SHANK2: variants seen among roughly 807,000 people sequenced by gnomAD.
SHANK2 encodes the protein SH3 and multiple ankyrin repeat domains 2.
SHANK2 carries 43 observed loss-of-function variants against 133.7 expected under a neutral mutation model. The observed-to-expected ratio is 0.32, with a 90% CI of 0.25 to 0.41. The LOEUF (loss-of-function observed/expected upper bound fraction) is 0.41. Among genes scored for constraint, SHANK2 ranks in the 10% least tolerant of loss-of-function variants. The pLI is 1.00. For missense variants in SHANK2, 1,994 were observed against 2,235.8 expected, an observed-to-expected ratio of 0.89 and a Z score of 2.18; for synonymous variants, 1,017 against 952.8, an observed-to-expected ratio of 1.07 and a Z score of -1.24.
chr11:70,637,832 C>T (rs2061125762), intron 17 of SHANK2, among the ~76,000 whole-genome samples: 2 of 152,258 alleles, frequency 1.3e-5, no homozygotes, highest in Admixed American at 1.3e-4. Flanking sequence ...GGTATCCCAG[C>T]CAGCCTCAGG....
At chr11:70,901,286 T>A (rs1189396241) in intron 10 of SHANK2, among the ~76,000 whole-genome samples, 2 of 152,160 alleles carry the variant, frequency 1.3e-5, no homozygotes, top group African/African-American at 4.8e-5. Context: ...TATGATATAA[T>A]CACAGGTCAA....
chr11:70,539,712 G>A (rs1224343117), intron 17 of SHANK2, among the ~76,000 whole-genome samples: 5 of 152,148 alleles, frequency 3.3e-5, no homozygotes, highest in South Asian at 4.2e-4. Context: ...CCCTCTCCTC[G>A]TTCAGCTGGG....
chr11:70,506,946 C>T (rs1267131214), intron 17 of SHANK2, among the ~76,000 whole-genome samples: 1 of 152,232 alleles, frequency 6.6e-6, no homozygotes, highest in Non-Finnish European at 1.5e-5. Flanking sequence ...CCTTTGGTCC[C>T]CATCCAGCGA....
chr11:70,777,295 T>C (rs1192358521), intron 14 of SHANK2, among the ~76,000 whole-genome samples: 15 of 147,756 alleles, frequency 1.0e-4, no homozygotes, highest in African/African-American at 3.3e-4. Context: ...ATCCATCCAC[T>C]CACCCACCCA....
intron 9 of SHANK2, among the ~76,000 whole-genome samples, chr11:71,073,007 C>A (rs1327477809): frequency 6.6e-6 from 1 of 151,880 alleles, no homozygotes; most frequent in Non-Finnish European, 1.5e-5. Context: ...TTAATGCCAC[C>A]GAACTGCATA....
At chr11:70,904,256 G>A (rs1408264691) in intron 10 of SHANK2, among the ~76,000 whole-genome samples, 1 of 152,200 alleles carries the variant, frequency 6.6e-6, no homozygotes. Context: ...TGCCCACAGG[G>A]CCCGAGCGTG....
At chr11:70,940,259 C>G (rs1950629320) in intron 10 of SHANK2, among the ~76,000 whole-genome samples, 1 of 14,558 alleles carries the variant, frequency 6.9e-5, no homozygotes, top group African/African-American at 2.4e-4. Flanking sequence ...CTCTCTTTCT[C>G]TCTTTTGAGA....
chr11:70,679,405 G>T (rs1944978761), intron 15 of SHANK2, among the ~76,000 whole-genome samples: 1 of 152,218 alleles, frequency 6.6e-6, no homozygotes, highest in African/African-American at 2.4e-5. Flanking sequence ...AGCAGGGCAG[G>T]CCTATCCCCG....
At chr11:71,075,706 T>C (rs1951209831) in intron 8 of SHANK2, among the ~76,000 whole-genome samples, 1 of 152,128 alleles carries the variant, frequency 6.6e-6, no homozygotes, top group Admixed American at 6.5e-5. Context: ...CAGCACAAAA[T>C]GGCCAGGAGA....
chr11:70,924,182 G>A (rs116211912), intron 10 of SHANK2, among the ~76,000 whole-genome samples: 1,947 of 152,202 alleles, frequency 0.013, 38 homozygotes, highest in African/African-American at 0.043. Flanking sequence ...ACCCTGCACC[G>A]TTACCAGAGT....
chr11:70,476,694 T>C (rs2058668940), intron 25 of SHANK2, among the ~76,000 whole-genome samples: 1 of 152,188 alleles, frequency 6.6e-6, no homozygotes. Context: ...AGAAGACATA[T>C]GCCCACAGAG....
chr11:71,167,817 C>T (rs1284871443), intron 2 of SHANK2, among the ~76,000 whole-genome samples: 23 of 141,356 alleles, frequency 1.6e-4, no homozygotes, highest in African/African-American at 5.3e-4. Context: ...ACCTCCCTCC[C>T]GGACGGGGCG....
intron 2 of SHANK2, among the ~76,000 whole-genome samples, chr11:71,173,825 A>G (rs1555112653): frequency 1.3e-5 from 2 of 152,254 alleles, no homozygotes; most frequent in East Asian, 1.9e-4. Context: ...GGAAGTGACC[A>G]GGTGAAGACT....
intron 14 of SHANK2, among the ~76,000 whole-genome samples, chr11:70,781,558 T>TTA (rs1273792106): frequency 0.068 from 1,970 of 28,996 alleles, 299 homozygotes; most frequent in African/African-American, 0.19. Flanking sequence ...TACTTACTTA[T>TTA]TATATATATA....
intron 3 of SHANK2, among the ~76,000 whole-genome samples, chr11:71,129,454 C>T (rs1191720117): frequency 2.6e-5 from 4 of 152,150 alleles, no homozygotes; most frequent in Non-Finnish European, 5.9e-5. Flanking sequence ...GGCGAGGCAA[C>T]ATAGGGAAAC....
chr11:70,490,212 G>C, intron 23 of SHANK2, 64 bp downstream of exon 23: 1 of 1,367,994 alleles, frequency 7.3e-7, no homozygotes, highest in Non-Finnish European at 1.0e-6. Context: ...GAATTCCTGA[G>C]GGGCCTAAGG....
intron 2 of SHANK2, among the ~76,000 whole-genome samples, chr11:71,200,943 C>T (rs955476283): frequency 1.3e-5 from 2 of 151,994 alleles, no homozygotes; most frequent in Non-Finnish European, 2.9e-5. Context: ...AAGCTTTGTT[C>T]AGTGGTGCAT....
At chr11:70,586,828 C>G (rs538636081) in intron 17 of SHANK2, among the ~76,000 whole-genome samples, 2 of 152,194 alleles carry the variant, frequency 1.3e-5, no homozygotes, top group Admixed American at 6.5e-5. Context: ...CCTCACCCCC[C>G]CAGAGTGGGC....
chr11:70,771,870 G>A (rs1008555226), intron 14 of SHANK2, among the ~76,000 whole-genome samples: 3 of 152,204 alleles, frequency 2.0e-5, no homozygotes. Flanking sequence ...CCTGGTCTGT[G>A]CCATCAAGGT....
Sources: allele counts gnomAD v4.1 joint callset (sites outside exome capture counted in the v4.1 genomes callset), GRCh38; gene constraint gnomAD v4.1.1; transcripts MANE v1.5; gene names NCBI Gene and HGNC (gene_info 2026-07-23, HGNC 2026-07-21).